Variants in ATF7 observed in about 807,000 individuals in gnomAD.
ATF7 encodes activating transcription factor 7, also known as cyclic AMP-dependent transcription factor ATF-7.
In ATF7, 10 loss-of-function variants were observed where a neutral mutation model predicts 50.4. The observed-to-expected ratio is 0.20, with a 90% CI of 0.12 to 0.34. The LOEUF (loss-of-function observed/expected upper bound fraction) is 0.34. ATF7 is among the 10% of genes least tolerant of loss of function. The pLI, the probability that ATF7 is intolerant of heterozygous loss-of-function variation, is 1.00. For missense variants in ATF7, 465 were observed against 613.9 expected, an observed-to-expected ratio of 0.76 and a Z score of 2.56; for synonymous variants, 201 against 226.4, an observed-to-expected ratio of 0.89 and a Z score of 1.01.
At chr12:53,570,436 C>A (rs1941684122) in intron 2 of ATF7, among the ~76,000 whole-genome samples, 1 of 152,172 alleles carries the variant, frequency 6.6e-6, no homozygotes, top group African/African-American at 2.4e-5. Context: ...CCAGTCCTCA[C>A]CTCTAGGTAA....
intron 1 of ATF7, among the ~76,000 whole-genome samples, chr12:53,617,029 A>C (rs1194320171): frequency 6.6e-6 from 1 of 151,242 alleles, no homozygotes; most frequent in African/African-American, 2.4e-5. Context: ...CTTATGTATT[A>C]TTTCTTTCTT....
chr12:53,528,940 G>T (rs575014917), intron 9 of ATF7, among the ~76,000 whole-genome samples: 158 of 151,350 alleles, frequency 1.0e-3, no homozygotes, highest in African/African-American at 3.7e-3. Context: ...AATCAGTGTT[G>T]ATTAAAAAGG....
chr12:53,540,834 T>C (rs1939509795), intron 4 of ATF7, among the ~76,000 whole-genome samples: 1 of 152,106 alleles, frequency 6.6e-6, no homozygotes, highest in Admixed American at 6.6e-5. Context: ...ACTGCAACCT[T>C]GACCTCCTAG....
chr12:53,519,810 T>C lies in ATF7; in HGVS notation c.1235-2456A>G, dbSNP rs375128674. On this transcript the variant is annotated intron_variant, in intron 11 of 11. Coordinates refer to ENST00000420353, the MANE Select transcript of ATF7 (RefSeq NM_006856.3). ...CACCCAGGCTGGAGTGCAGTGGCAC[T>C]ATTTTGGCTCACTGCAATCTCTGCC... Among the ~76,000 whole-genome samples the C allele has an allele frequency of 1.4e-4, 22 of 152,196 alleles. No homozygotes were observed. The East Asian group carries it at 2.1e-3, about 15-fold the overall frequency.
At chr12:53,587,831 ATATATATATATATTTTT>A (rs1329949666) in intron 2 of ATF7, among the ~76,000 whole-genome samples, 2 of 43,784 alleles carry the variant, frequency 4.6e-5, no homozygotes, top group South Asian at 4.8e-3. Flanking sequence ...ATATATATAT[ATATATATATATATTTTT>A]TTTTTTTTTT....
At chr12:53,583,786 A>G (rs1942548803) in intron 2 of ATF7, among the ~76,000 whole-genome samples, 1 of 152,362 alleles carries the variant, frequency 6.6e-6, no homozygotes, top group African/African-American at 2.4e-5. Context: ...GAGAGAATGT[A>G]AAAGATACAC....
At chr12:53,621,875 A>C (rs1163766706) in intron 1 of ATF7, among the ~76,000 whole-genome samples, 1 of 151,984 alleles carries the variant, frequency 6.6e-6, no homozygotes, top group African/African-American at 2.4e-5. Flanking sequence ...AATAAAATAG[A>C]AGTTGTGATT....
chr12:53,617,293 A>C (rs1279091795), intron 1 of ATF7, among the ~76,000 whole-genome samples: 3 of 152,168 alleles, frequency 2.0e-5, no homozygotes, highest in Non-Finnish European at 4.4e-5. Context: ...GGTGTGAACT[A>C]CTGTGCCCAA....
At chr12:53,574,124 A>G (rs771211482) in intron 2 of ATF7, among the ~76,000 whole-genome samples, 2 of 152,252 alleles carry the variant, frequency 1.3e-5, no homozygotes, top group Non-Finnish European at 2.9e-5. Flanking sequence ...AACCAGTGAG[A>G]TATGACAGAA....
chr12:53,519,545 T>C (rs1937966728), intron 11 of ATF7, among the ~76,000 whole-genome samples: 1 of 151,114 alleles, frequency 6.6e-6, no homozygotes, highest in South Asian at 2.1e-4. Flanking sequence ...CTACTAAAAA[T>C]ACAAAAATGA....
At chr12:53,580,402 C>T (rs1460544027) in intron 2 of ATF7, among the ~76,000 whole-genome samples, 1 of 151,144 alleles carries the variant, frequency 6.6e-6, no homozygotes, top group African/African-American at 2.4e-5. Context: ...CGGTGGCTCA[C>T]GCCTGTAATC....
Position 53,517,190 on chromosome 12 carries a change from G to T in ATF7, c.1399C>A (p.Pro467Thr). The change falls in exon 12 of 12, where the codon CCG becomes ACG. Residue 467 changes from proline (P) to threonine (T), a missense_variant. Physicochemically the swap from Pro to Thr is conservative, Grantham distance 38. Coordinates refer to ENST00000420353, the MANE Select transcript of ATF7 (RefSeq NM_006856.3). ...MASQRTELSM[P>T]IQSHVIMTPQ... ...GTCATGATTACATGCGATTGTATCG[G>T]CATGCTCAGTTCTGTCCTTTGGCTG... The T allele has an allele frequency of 6.2e-7, 1 of 1,613,962 alleles. No individual in the cohort carries two copies. Among genetic ancestry groups the T allele is most frequent in the Non-Finnish European group, 8.5e-7 (1 of 1,179,896 alleles).
intron 11 of ATF7, among the ~76,000 whole-genome samples, chr12:53,521,396 ATTACGT>A (rs1938119700): frequency 6.6e-6 from 1 of 152,096 alleles, no homozygotes; most frequent in African/African-American, 2.4e-5. Context: ...AAATGCTGCT[ATTACGT>A]CCCCTACTTG....
chr12:53,586,359 T>C (rs1188831166), intron 2 of ATF7, among the ~76,000 whole-genome samples: 1 of 151,976 alleles, frequency 6.6e-6, no homozygotes, highest in Non-Finnish European at 1.5e-5. Context: ...ATGTCTGAAG[T>C]TATGAACATA....
At chr12:53,607,512 T>C (rs147616281) in intron 1 of ATF7, among the ~76,000 whole-genome samples, 416 of 152,242 alleles carry the variant, frequency 2.7e-3, no homozygotes, top group African/African-American at 9.5e-3. Flanking sequence ...GTCATCTTTA[T>C]GACCAAAAAA....
At chr12:53,548,346 T>A (rs1940087504) in intron 3 of ATF7, among the ~76,000 whole-genome samples, 1 of 152,128 alleles carries the variant, frequency 6.6e-6, no homozygotes, top group Admixed American at 6.6e-5. Context: ...TTCTTTATTC[T>A]TTTTTAGAGA....
chr12:53,548,941 T>C (rs1481109035), intron 3 of ATF7, among the ~76,000 whole-genome samples: 1 of 151,966 alleles, frequency 6.6e-6, no homozygotes, highest in Admixed American at 6.6e-5. Flanking sequence ...GCTGTGATTG[T>C]GCCACTGCAC....
intron 4 of ATF7, chr12:53,543,116 C>T (rs541637777): frequency 8.8e-5 from 124 of 1,414,304 alleles, no homozygotes; most frequent in Non-Finnish European, 9.6e-5. Flanking sequence ...GACTAATTTT[C>T]GGTGACGACA....
Position 53,574,361 on chromosome 12 carries a change from C to T in ATF7, c.49-21724G>A, listed in dbSNP as rs1941937719. The stretch of plus-strand genomic sequence containing the variant: ...ATGCATCTCCTTATCTGGTTTTCAT[C>T]CGTATCCTTCATAATATCCTTTATA... On this transcript the variant is annotated intron_variant, in intron 2 of 11. Transcript: ENST00000420353. 2.0e-5 allele frequency among the ~76,000 whole-genome samples: 3 copies of T among 152,202 alleles called. No homozygotes were observed. In the South Asian group the frequency reaches 6.2e-4, roughly 32 times the overall value.
Sources: gnomAD v4.1 joint callset for allele counts (sites outside exome capture counted in the v4.1 genomes callset) on GRCh38, gnomAD v4.1.1 for gene constraint, MANE v1.5 for transcripts, NCBI Gene and HGNC (gene_info 2026-07-23, HGNC 2026-07-21) for gene names.